The following DHTKD1 variants were observed in gnomAD, a reference collection of about 807,000 sequenced individuals.
DHTKD1 encodes dehydrogenase E1 and transketolase domain containing 1.
Under a neutral mutation model 101.8 loss-of-function variants are expected in DHTKD1, and 78 were observed. The ratio of observed to expected loss-of-function variants is 0.77; its 90% confidence interval spans 0.64 to 0.93. DHTKD1 has a LOEUF of 0.93. DHTKD1 is among the 40% of genes least tolerant of loss of function. DHTKD1 has a pLI of 0.00. For missense variants in DHTKD1, 1,223 were observed against 1,161.7 expected (o/e 1.05, Z -0.77); for synonymous variants, 462 against 450.3 (o/e 1.03, Z -0.33).
intron 1 of DHTKD1, among the ~76,000 whole-genome samples, chr10:12,077,418 G>C (rs979249890): frequency 6.6e-6 from 1 of 151,952 alleles, no homozygotes; most frequent in Admixed American, 6.6e-5. Flanking sequence ...GTAGAGACAG[G>C]GTTTCACCAT....
chr10:12,115,223 A>G (rs1588619020), intron 13 of DHTKD1, among the ~76,000 whole-genome samples: 1 of 152,048 alleles, frequency 6.6e-6, no homozygotes. Context: ...CAGCCTCCCC[A>G]GTAGCTGGGA....
chr10:12,112,683 C>T (rs1381455779), intron 12 of DHTKD1, among the ~76,000 whole-genome samples: 1 of 152,122 alleles, frequency 6.6e-6, no homozygotes, highest in Non-Finnish European at 1.5e-5. Context: ...TGTTAGATGA[C>T]ACAGAATTGG....
chr10:12,121,085 T>C lies in DHTKD1; in HGVS notation c.*197T>C. ...AAATACAAAAAATAGCCGGGTGTGG[T>C]GGTGGGCACCTGTGATCCCAGCTTC... On this transcript the variant is annotated 3_prime_UTR_variant, in exon 17 of 17. Coordinates refer to ENST00000263035, the MANE Select transcript of DHTKD1 (RefSeq NM_018706.7). 2.3e-6 allele frequency: 1 copy of C among 441,496 alleles called. No homozygotes were observed. The highest frequency in any genetic ancestry group is 4.3e-6 in the Non-Finnish European group (1 of 234,972). The allele number at this position is 441,496 out of a possible 1,614,324, so 27.3% of individuals were successfully genotyped here.
At position 12,103,296 on chromosome 10, in the gene DHTKD1, C is replaced by T. The variant is rs72779643; in HGVS notation, c.1896+2115C>T. Among the ~76,000 whole-genome samples, 10,987 of 152,054 alleles carry T rather than the reference C, an allele frequency of 0.072. 468 individuals carry two copies. The highest frequency in any genetic ancestry group is 0.1 in the Non-Finnish European group (6,993 of 67,986). On this transcript the variant is annotated intron_variant, in intron 10 of 16. Transcript: ENST00000263035. The surrounding 1 kb of genome is among the most constrained non-coding windows in gnomAD (Gnocchi z 4.8). The stretch of plus-strand genomic sequence containing the variant: ...ACCCTGGGAGAAACTCCTGCTTGAT[C>T]TTGGTAGTGAGAGTAGCTATATTTT...
intron 8 of DHTKD1, among the ~76,000 whole-genome samples, chr10:12,099,610 C>T (rs1421526865): frequency 3.3e-5 from 5 of 152,040 alleles, no homozygotes; most frequent in Admixed American, 2.6e-4. Context: ...ATCACTTGAA[C>T]CAGGGAGGCT....
chr10:12,118,637 C>G, intron 14 of DHTKD1, 112 bp from the exon 15 acceptor site: 1 of 749,886 alleles, frequency 1.3e-6, no homozygotes, highest in Non-Finnish European at 2.0e-6. Flanking sequence ...CCGCCTTGGC[C>G]TCCCAAAGTG....
intron 1 of DHTKD1, among the ~76,000 whole-genome samples, chr10:12,076,757 T>C (rs545444381): frequency 2.2e-4 from 33 of 151,884 alleles, no homozygotes; most frequent in South Asian, 1.7e-3. Flanking sequence ...CTCCCGGGTT[T>C]ACGCCATTCT....
rs1057158466 is a variant in DHTKD1 at position 12,087,228 on chromosome 10, A to T, written c.523-307A>T. ...CCCGTGTGAAAACTGGGGTACTGGG[A>T]AGAGGCAGCAGAAATCTAAGGCCTG... is the stretch of plus-strand genomic sequence containing the variant. On this transcript the variant is annotated intron_variant, in intron 3 of 16. Transcript: ENST00000263035. The surrounding 1 kb of genome is among the most constrained non-coding windows in gnomAD (Gnocchi z 5.2). 6.6e-6 allele frequency among the ~76,000 whole-genome samples: 1 copy of T among 152,132 alleles called. No individual in the cohort carries two copies. The highest frequency in any genetic ancestry group is 2.4e-5 in the African/African-American group (1 of 41,426).
chr10:12,100,090 C>A, intron 8 of DHTKD1, 88 bp from the exon 9 acceptor site: 1 of 743,424 alleles, frequency 1.3e-6, no homozygotes, highest in Non-Finnish European at 2.2e-6. Flanking sequence ...GCCACCATGC[C>A]TGGCCTGCAT....
At position 12,110,257 on chromosome 10, in the gene DHTKD1, CA is replaced by C. The variant is rs2131622365; in HGVS notation, c.2154+2243del. 6.6e-6 allele frequency among the ~76,000 whole-genome samples: 1 copy of C among 152,218 alleles called. No homozygotes were observed. The highest frequency in any genetic ancestry group is 2.4e-5 in the African/African-American group (1 of 41,520). ...AGCTTGCAGTGAGCTGAGATTGCGC[CA>C]TGCACTCCAGCCTGGGTGACAGAGC... On this transcript the variant is annotated intron_variant, in intron 12 of 16. Coordinates refer to ENST00000263035, the MANE Select transcript of DHTKD1 (RefSeq NM_018706.7). This position sits in a 1 kb window ranked among gnomAD's most constrained non-coding sequence, Gnocchi z 4.9.
At chr10:12,072,066 G>A (rs1011593068) in intron 1 of DHTKD1, among the ~76,000 whole-genome samples, 1 of 152,106 alleles carries the variant, frequency 6.6e-6, no homozygotes, top group African/African-American at 2.4e-5. Flanking sequence ...TTCAGCGTGC[G>A]CCGGGTTCAC....
At chr10:12,108,689 A>G (rs571602935) in intron 12 of DHTKD1, among the ~76,000 whole-genome samples, 1 of 152,306 alleles carries the variant, frequency 6.6e-6, no homozygotes, top group South Asian at 2.1e-4. Context: ...GTTTATTATG[A>G]AGACTTTCAG....
intron 10 of DHTKD1, among the ~76,000 whole-genome samples, chr10:12,101,460 T>TATCATAGCAC (rs1485584417): frequency 6.6e-6 from 1 of 152,240 alleles, no homozygotes; most frequent in Non-Finnish European, 1.5e-5. Context: ...ATCATCTGCA[T>TATCATAGCAC]ATTGCTGTAA....
chr10:12,092,810 C>CA (rs1411224351), intron 6 of DHTKD1, among the ~76,000 whole-genome samples: 10 of 150,498 alleles, frequency 6.6e-5, no homozygotes, highest in East Asian at 5.9e-4. Context: ...TCTCAAAGGG[C>CA]AAAAAAAAGA....
rs372793654 is a variant in DHTKD1 at position 12,091,485 on chromosome 10, C to T, written c.988-28C>T. On this transcript the variant is annotated intron_variant, in intron 5 of 16. Transcript: ENST00000263035. ...TAATCCCTTATGTTTCTTTTCTCCC[C>T]ACCCGCTCCCCTTGCCTCATGATTT... The T allele has an allele frequency of 3.8e-5, 56 of 1,476,068 alleles. No homozygotes were observed. The South Asian group carries it at 6.8e-4, about 18-fold the overall frequency. 91.4% of individuals were successfully genotyped at this position (1,476,068 alleles called of 1,614,324 possible). A position where few individuals can be genotyped will look rare whatever the true frequency, so the allele number is the denominator to read the frequency against.
rs2131358233 is a variant in DHTKD1 at position 12,088,994 on chromosome 10, C to G, written c.726C>G (p.Phe242Leu). 1 of 1,613,276 alleles carries G rather than the reference C, an allele frequency of 6.2e-7. No homozygotes were observed. The highest frequency in any genetic ancestry group is 1.1e-5 in the South Asian group (1 of 91,038). The change falls in exon 5 of 17, where the codon TTC (phenylalanine) becomes TTG (leucine). Residue 242 changes from phenylalanine to leucine, a missense_variant. Transcript: ENST00000263035. ...GAATGTATCCACAATAGCTGATGTT[C>G]CGTAAAATGCGAGGCTTAAGTGAAT... ...GLLQFPPELM[F>L]RKMRGLSEFP...
At chr10:12,112,165 T>C (rs1274935248) in intron 12 of DHTKD1, among the ~76,000 whole-genome samples, 1 of 151,924 alleles carries the variant, frequency 6.6e-6, no homozygotes. Context: ...AATATTAAAA[T>C]TAGTCAGGTG....
rs1833515463 is a variant in DHTKD1, at chr10:12,120,826, G to C, written c.2698G>C (p.Val900Leu). The C allele has an allele frequency of 1.2e-6, 2 of 1,614,124 alleles. No homozygotes were observed. Among genetic ancestry groups the C allele is most frequent in the East Asian group, 4.5e-5 (2 of 44,874 alleles). The change falls in exon 17 of 17, where the codon GTA (valine) becomes CTA (leucine). Residue 900 changes from valine (V) to leucine (L), a missense_variant. By Grantham distance (32) the Val-to-Leu change is conservative (BLOSUM62 1). Transcript: ENST00000263035. ...VGRPPLPVPAVGIGTVHLHQH... is the reference protein window; with the variant it reads ...VGRPPLPVPALGIGTVHLHQH... ...CCGGCCCCCTTTGCCAGTACCCGCT[G>C]TAGGAATTGGCACAGTTCACTTGCA...
Position 12,100,175 on chromosome 10 carries a change from C to T in DHTKD1, c.1672-3C>T. The T allele has an allele frequency of 1.9e-6, 3 of 1,540,802 alleles. No homozygotes were observed. Among genetic ancestry groups the T allele is most frequent in the Non-Finnish European group, 2.6e-6 (3 of 1,140,044 alleles). ...CTTTTTTTTCTTCCTCTGAATTTTA[C>T]AGTCCAGAATGGAGAAGATGATGGA... On this transcript the variant is annotated splice_region_variant and splice_polypyrimidine_tract_variant and intron_variant, in intron 8 of 16. Transcript: ENST00000263035.
Sources: gnomAD v4.1 joint callset for allele counts (sites outside exome capture counted in the v4.1 genomes callset) on GRCh38, gnomAD v4.1.1 for gene constraint, Gnocchi (gnomAD v3.1) non-coding constraint, MANE v1.5 for transcripts, NCBI Gene and HGNC (gene_info 2026-07-23, HGNC 2026-07-21) for gene names.